PHACTR3: variants seen among roughly 807,000 people sequenced by gnomAD.
PHACTR3 encodes the protein phosphatase and actin regulator 3.
A neutral mutation model predicts 66.8 loss-of-function variants in PHACTR3; 16 were observed. That is an observed-to-expected ratio of 0.24 (90% CI 0.16 to 0.36). PHACTR3 has a LOEUF of 0.36. Ranked by LOEUF, PHACTR3 falls within the 10% of genes least tolerant of loss-of-function variation. The pLI, the probability that PHACTR3 is intolerant of heterozygous loss-of-function variation, is 1.00. For missense variants in PHACTR3, 647 were observed against 719.9 expected (o/e 0.90, Z 1.16); for synonymous variants, 323 against 292.1 (o/e 1.11, Z -1.08).
chr20:59,687,164 T>C (rs2036928972), intron 1 of PHACTR3, among the ~76,000 whole-genome samples: 1 of 150,806 alleles, frequency 6.6e-6, no homozygotes, highest in Admixed American at 6.6e-5. Flanking sequence ...ATGGTGATTG[T>C]GATGGTGGTG....
chr20:59,727,477 C>G (rs2038609410), intron 1 of PHACTR3, among the ~76,000 whole-genome samples: 1 of 152,124 alleles, frequency 6.6e-6, no homozygotes, highest in African/African-American at 2.4e-5. Context: ...ACTGGGTTGT[C>G]AGAGGCGCCG....
chr20:59,769,355 T>C (rs188169795), intron 5 of PHACTR3, among the ~76,000 whole-genome samples: 1 of 152,332 alleles, frequency 6.6e-6, no homozygotes. Context: ...TGGATTCGGT[T>C]AGGCCCTGAA....
At chr20:59,642,700 G>C (rs1044102044) in intron 1 of PHACTR3, among the ~76,000 whole-genome samples, 1 of 152,130 alleles carries the variant, frequency 6.6e-6, no homozygotes, top group Admixed American at 6.6e-5. Context: ...TGGACTTAAG[G>C]CTGCCTGCCT....
rs1461971591 is a variant in PHACTR3 at position 59,736,498 on chromosome 20, C to T, written c.119-6609C>T. Among the ~76,000 whole-genome samples, 2 of 152,038 alleles carry T rather than the reference C, an allele frequency of 1.3e-5. No individual in the cohort carries two copies. The highest frequency in any genetic ancestry group is 1.5e-5 in the Non-Finnish European group (1 of 67,986). Reference sequence around the variant, plus strand: ...CCATGCAGGTGCACACCCACCCACGCCCATGCACACTGGCTCCGCAGGTGC... The same window carrying T: ...CCATGCAGGTGCACACCCACCCACGTCCATGCACACTGGCTCCGCAGGTGC... On this transcript the variant is annotated intron_variant, in intron 1 of 12. Transcript: ENST00000371015. The surrounding 1 kb of genome is among the most constrained non-coding windows in gnomAD (Gnocchi z 4.6).
intron 5 of PHACTR3, among the ~76,000 whole-genome samples, chr20:59,770,159 C>T (rs1014464502): frequency 6.6e-5 from 10 of 152,218 alleles, no homozygotes; most frequent in Admixed American, 1.3e-4. Flanking sequence ...CCCCAGTCTG[C>T]GGACACTTCT....
intron 4 of PHACTR3, among the ~76,000 whole-genome samples, chr20:59,765,672 G>C (rs1353666352): frequency 6.6e-6 from 1 of 152,216 alleles, no homozygotes; most frequent in East Asian, 1.9e-4. Context: ...TGCATCTGGT[G>C]TTTAGCTGGA....
intron 7 of PHACTR3, among the ~76,000 whole-genome samples, chr20:59,784,531 T>C (rs958189867): frequency 2.0e-5 from 3 of 152,044 alleles, no homozygotes; most frequent in Admixed American, 6.6e-5. Flanking sequence ...GCTTTCCACA[T>C]AGGGACAGCT....
chr20:59,738,914 G>A lies in PHACTR3; in HGVS notation c.119-4193G>A, dbSNP rs546445144. Among the ~76,000 whole-genome samples, 1 of 152,282 alleles carries A rather than the reference G, an allele frequency of 6.6e-6. No individual in the cohort carries two copies. Among genetic ancestry groups the A allele is most frequent in the Non-Finnish European group, 1.5e-5 (1 of 68,012 alleles). On this transcript the variant is annotated intron_variant, in intron 1 of 12. Coordinates refer to ENST00000371015, the MANE Select transcript of PHACTR3 (RefSeq NM_080672.5). The surrounding 1 kb of genome is among the most constrained non-coding windows in gnomAD (Gnocchi z 4.4). ...TAGCCCATCCTTCCCCTCGTGCAAA[G>A]CATGCTCAGGACAGCAGGCTTTCCC...
In PHACTR3 at chr20:59,777,307, C is replaced by T. The variant is rs937728588; in HGVS notation, c.1174+2817C>T. On this transcript the variant is annotated intron_variant, in intron 7 of 12. Coordinates refer to ENST00000371015, the MANE Select transcript of PHACTR3 (RefSeq NM_080672.5). ...CGATTTCCAAATAAGGTCACTTTCA[C>T]AGGTTCTGGGGATTTGGACTTGGCA... 2.6e-5 allele frequency among the ~76,000 whole-genome samples: 4 copies of T among 152,322 alleles called. No homozygotes were observed. The East Asian group carries it at 5.8e-4, about 22-fold the overall frequency.
intron 1 of PHACTR3, among the ~76,000 whole-genome samples, chr20:59,718,279 G>A (rs2038169998): frequency 6.6e-6 from 1 of 152,154 alleles, no homozygotes; most frequent in South Asian, 2.1e-4. Context: ...TTCCTCTCCT[G>A]GTTGCTGTGT....
At chr20:59,728,481 C>T (rs1255881706) in intron 1 of PHACTR3, among the ~76,000 whole-genome samples, 1 of 152,142 alleles carries the variant, frequency 6.6e-6, no homozygotes, top group African/African-American at 2.4e-5. Flanking sequence ...CACTGTTGTT[C>T]ACAATAGCCA....
chr20:59,707,148 A>G (rs2037736398), intron 1 of PHACTR3, among the ~76,000 whole-genome samples: 1 of 152,270 alleles, frequency 6.6e-6, no homozygotes, highest in African/African-American at 2.4e-5. Context: ...GGACCACGCC[A>G]GCAGGGCTCT....
chr20:59,635,186 CTTT>C (rs2034842053), intron 1 of PHACTR3, among the ~76,000 whole-genome samples: 2 of 41,628 alleles, frequency 4.8e-5, no homozygotes, highest in African/African-American at 8.6e-5. Context: ...TTCTTTCTTT[CTTT>C]CTTTCTCTTT....
chr20:59,623,247 A>G (rs949940824), intron 1 of PHACTR3, among the ~76,000 whole-genome samples: 6 of 151,972 alleles, frequency 3.9e-5, no homozygotes, highest in Non-Finnish European at 8.8e-5. Context: ...TCGGCTCCGC[A>G]TGGATCAGGC....
intron 3 of PHACTR3, among the ~76,000 whole-genome samples, chr20:59,750,999 G>A (rs548792551): frequency 2.6e-5 from 4 of 152,350 alleles, no homozygotes; most frequent in African/African-American, 9.6e-5. Flanking sequence ...TCCTCCTGGT[G>A]CTGGGTCACC....
chr20:59,665,509 C>T lies in PHACTR3; in HGVS notation c.118+60377C>T, dbSNP rs192173411. ...CAAGTAAAATGAATTTTTCATATTACGATTTTTTTTTTCCAGCAGATTTTA... is the reference window on the plus strand; with the variant it reads ...CAAGTAAAATGAATTTTTCATATTATGATTTTTTTTTTCCAGCAGATTTTA... On this transcript the variant is annotated intron_variant, in intron 1 of 12. Coordinates refer to ENST00000371015, the MANE Select transcript of PHACTR3 (RefSeq NM_080672.5). 3.0e-3 allele frequency among the ~76,000 whole-genome samples: 453 copies of T among 151,134 alleles called. 5 individuals carry two copies. The highest frequency in any genetic ancestry group is 0.01 in the African/African-American group (431 of 41,330).
chr20:59,647,777 C>T (rs2035333654), intron 1 of PHACTR3, among the ~76,000 whole-genome samples: 1 of 152,174 alleles, frequency 6.6e-6, no homozygotes, highest in Non-Finnish European at 1.5e-5. Flanking sequence ...AATTAAGCTC[C>T]CTGGATTCAG....
Position 59,703,198 on chromosome 20 carries a change from CT to C in PHACTR3, c.119-39901del, listed in dbSNP as rs1057154852. Among the ~76,000 whole-genome samples, 4 of 151,880 alleles carry C rather than the reference CT, an allele frequency of 2.6e-5. No individual in the cohort carries two copies. In the East Asian group the frequency reaches 5.8e-4, roughly 22 times the overall value. ...GTCAGTACTTCCAAGCATGAATAGC[CT>C]TTTTTTTCGGTATGGTGAATTATCT... On this transcript the variant is annotated intron_variant, in intron 1 of 12. Coordinates refer to ENST00000371015, the MANE Select transcript of PHACTR3 (RefSeq NM_080672.5).
chr20:59,724,350 C>G (rs916949367), intron 1 of PHACTR3, among the ~76,000 whole-genome samples: 1 of 152,260 alleles, frequency 6.6e-6, no homozygotes, highest in Admixed American at 6.5e-5. Flanking sequence ...AGGTTGCTTG[C>G]TAGGCTGGGA....
Sources: allele counts gnomAD v4.1 joint callset (sites outside exome capture counted in the v4.1 genomes callset), GRCh38; gene constraint gnomAD v4.1.1; non-coding constraint Gnocchi (gnomAD v3.1); transcripts MANE v1.5; gene names NCBI Gene and HGNC (gene_info 2026-07-23, HGNC 2026-07-21).